Variants in FOXP2 observed in about 807,000 individuals in gnomAD.
FOXP2 encodes the protein forkhead box P2.
In FOXP2, 12 loss-of-function variants were observed where a neutral mutation model predicts 115.8. The ratio of observed to expected loss-of-function variants is 0.10; its 90% confidence interval spans 0.07 to 0.17. FOXP2 has a LOEUF of 0.17. Ranked by LOEUF, FOXP2 falls within the 10% of genes least tolerant of loss-of-function variation. FOXP2 has a pLI of 1.00. For missense variants in FOXP2, 629 were observed against 843.5 expected (o/e 0.75, Z 3.15); for synonymous variants, 328 against 297.7 (o/e 1.10, Z -1.05).
At chr7:114,574,771 G>C (rs777116947) in intron 3 of FOXP2, among the ~76,000 whole-genome samples, 4 of 151,884 alleles carry the variant, frequency 2.6e-5, no homozygotes, top group Non-Finnish European at 4.4e-5. Flanking sequence ...AATGCTTAGG[G>C]TCTTTGTCTT....
intron 1 of FOXP2, among the ~76,000 whole-genome samples, chr7:114,140,235 C>T (rs1346135897): frequency 2.6e-5 from 4 of 152,030 alleles, no homozygotes; most frequent in South Asian, 2.1e-4. Flanking sequence ...CTTCATTTTC[C>T]AGAGCCCAAC....
chr7:114,115,064 C>G (rs963259004), intron 1 of FOXP2, among the ~76,000 whole-genome samples: 1 of 151,780 alleles, frequency 6.6e-6, no homozygotes, highest in Non-Finnish European at 1.5e-5. Context: ...CTAATTATAA[C>G]TTCAGTCCGT....
chr7:114,125,616 C>T (rs1470178068), intron 1 of FOXP2, among the ~76,000 whole-genome samples: 1 of 152,094 alleles, frequency 6.6e-6, no homozygotes, highest in East Asian at 1.9e-4. Flanking sequence ...TTCAGAAGTT[C>T]TCTCTGTGAT....
At chr7:114,183,049 A>G (rs1362632534) in intron 1 of FOXP2, among the ~76,000 whole-genome samples, 1 of 152,178 alleles carries the variant, frequency 6.6e-6, no homozygotes, top group Non-Finnish European at 1.5e-5. Flanking sequence ...GGTTGCCTGC[A>G]GGGATCATCA....
chr7:114,568,609 G>A (rs1447358391), intron 3 of FOXP2, among the ~76,000 whole-genome samples: 4 of 151,722 alleles, frequency 2.6e-5, no homozygotes, highest in Non-Finnish European at 5.9e-5. Flanking sequence ...ACATTCTCAC[G>A]GTGAAGCCTC....
At chr7:114,280,118 AAAT>A (rs869209420) in intron 1 of FOXP2, among the ~76,000 whole-genome samples, 82 of 151,546 alleles carry the variant, frequency 5.4e-4, no homozygotes, top group African/African-American at 1.8e-3. Flanking sequence ...ATAAATAAAT[AAAT>A]AAAAACAGGT....
chr7:114,376,377 T>C (rs1792136974), intron 2 of FOXP2, among the ~76,000 whole-genome samples: 1 of 152,220 alleles, frequency 6.6e-6, no homozygotes, highest in Non-Finnish European at 1.5e-5. Flanking sequence ...ATGTGTTAAA[T>C]AGAAATGATG....
chr7:114,413,665 T>A (rs1793228617), upstream of FOXP2, among the ~76,000 whole-genome samples: 1 of 152,104 alleles, frequency 6.6e-6, no homozygotes, highest in African/African-American at 2.4e-5. Flanking sequence ...AAATTTGCTG[T>A]AATTACTTAC....
chr7:114,379,154 C>G (rs1185228831), intron 2 of FOXP2, among the ~76,000 whole-genome samples: 1 of 152,002 alleles, frequency 6.6e-6, no homozygotes, highest in African/African-American at 2.4e-5. Flanking sequence ...TGGAGGGGAC[C>G]CAAAGGGGGT....
intron 3 of FOXP2, chr7:114,560,889 T>C (rs1315644440): frequency 2.0e-5 from 3 of 152,150 alleles, no homozygotes; most frequent in Non-Finnish European, 2.9e-5. Flanking sequence ...CTTTAAAAAA[T>C]AATAGTAGAC....
chr7:114,408,350 A>G (rs1233787780), intron 2 of FOXP2, among the ~76,000 whole-genome samples: 1 of 152,194 alleles, frequency 6.6e-6, no homozygotes, highest in African/African-American at 2.4e-5. Context: ...CCCTTGAAGT[A>G]TAAAACATGA....
At chr7:114,115,554 C>T (rs1791381856) in intron 1 of FOXP2, among the ~76,000 whole-genome samples, 1 of 152,018 alleles carries the variant, frequency 6.6e-6, no homozygotes, top group Admixed American at 6.6e-5. Flanking sequence ...GTCTCAGAGC[C>T]CTTATTGGAG....
intron 2 of FOXP2, among the ~76,000 whole-genome samples, chr7:114,455,602 T>C (rs1290501501): frequency 6.6e-6 from 1 of 152,210 alleles, no homozygotes; most frequent in Non-Finnish European, 1.5e-5. Flanking sequence ...CTATATCCCC[T>C]ACAACTTGCT....
rs1806765343 is a variant in FOXP2, at chr7:114,659,560, G to A, written c.1546-12G>A. ...ATTATTTTATGTCACTATGTATCTT[G>A]TCTCATTTCAGGCTATCATGGAGTC... On this transcript the variant is annotated splice_polypyrimidine_tract_variant and intron_variant, in intron 12 of 16. Transcript: ENST00000350908. 1 of 1,610,152 alleles carries A rather than the reference G, an allele frequency of 6.2e-7. No individual in the cohort carries two copies. The highest frequency in any genetic ancestry group is 8.5e-7 in the Non-Finnish European group (1 of 1,176,508).
chr7:114,259,156 G>T (rs746090119), intron 1 of FOXP2, among the ~76,000 whole-genome samples: 3 of 152,142 alleles, frequency 2.0e-5, no homozygotes, highest in Non-Finnish European at 4.4e-5. Context: ...TTCAACCGAT[G>T]AACAGTAGAA....
At position 114,662,244 on chromosome 7, in the gene FOXP2, CT is replaced by C. The variant is rs1188456577; in HGVS notation, c.1769+61del. 5.0e-6 allele frequency: 8 copies of C among 1,606,556 alleles called. No individual in the cohort carries two copies. The Admixed American group carries it at 1.0e-4, about 20-fold the overall frequency. Reference sequence around the variant, plus strand: ...CTGCATCCACCAGGAAAAGTAAATACTTTAAGTTGGGGCTGGGGTGGGGAGA... The same window carrying C: ...CTGCATCCACCAGGAAAAGTAAATACTTAAGTTGGGGCTGGGGTGGGGAGA... On this transcript the variant is annotated intron_variant, in intron 14 of 16. Transcript: ENST00000350908.
intron 3 of FOXP2, chr7:114,570,917 A>G (rs768859934): frequency 9.5e-6 from 15 of 1,572,912 alleles, no homozygotes; most frequent in Non-Finnish European, 1.3e-5. Flanking sequence ...TTCAGCTACT[A>G]GGCACAAGGC....
chr7:114,105,326 C>T (rs1440733688), intron 1 of FOXP2, among the ~76,000 whole-genome samples: 4 of 151,942 alleles, frequency 2.6e-5, no homozygotes, highest in Admixed American at 2.6e-4. Flanking sequence ...TTCATTAAGT[C>T]TTTTTCAGTC....
At chr7:114,663,419 A>G (rs755809581) in intron 14 of FOXP2, 31 bp from the exon 15 acceptor site, 1 of 1,452,748 alleles carries the variant, frequency 6.9e-7, no homozygotes, top group East Asian at 2.3e-5. Flanking sequence ...ATTTTGACGT[A>G]TAAATGATCT....
Sources: allele counts gnomAD v4.1 joint callset (sites outside exome capture counted in the v4.1 genomes callset), GRCh38; gene constraint gnomAD v4.1.1; transcripts MANE v1.5; gene names NCBI Gene and HGNC (gene_info 2026-07-23, HGNC 2026-07-21).